Variants in SHC2 observed in about 807,000 individuals in gnomAD.
The protein encoded by SHC2 is SHC-transforming protein 2.
In SHC2, 62 loss-of-function variants were observed where a neutral mutation model predicts 60.6. The ratio of observed to expected loss-of-function variants is 1.02; its 90% CI spans 0.83 to 1.26. The LOEUF is 1.26. SHC2 is among the 50% of genes most tolerant of loss of function. The pLI is 0.00. For missense variants in SHC2, 873 were observed against 822.2 expected (o/e 1.06, Z -0.76); for synonymous variants, 375 against 372.4 (o/e 1.01, Z -0.08).
At chr19:436,487 G>A in intron 5 of SHC2, 56 bp from the exon 6 acceptor site, 1 of 1,598,484 alleles carries the variant, frequency 6.3e-7, no homozygotes, top group Non-Finnish European at 8.5e-7. Context: ...GGGATTCCCA[G>A]CTGCCCACCC....
intron 9 of SHC2, among the ~76,000 whole-genome samples, chr19:427,079 G>A (rs1974435032): frequency 6.6e-6 from 1 of 152,242 alleles, no homozygotes; most frequent in African/African-American, 2.4e-5. Flanking sequence ...ACGTGCGCCA[G>A]GACCAGAGCA....
At chr19:452,052 C>T (rs1975213892) in intron 1 of SHC2, among the ~76,000 whole-genome samples, 1 of 152,252 alleles carries the variant, frequency 6.6e-6, no homozygotes, top group African/African-American at 2.4e-5. Context: ...TTGTGGCGGC[C>T]TCTGTGCTTC....
In SHC2 at chr19:439,039, G is replaced by T. The variant is rs747701766; in HGVS notation, c.540-9C>A. On this transcript the variant is annotated splice_polypyrimidine_tract_variant and intron_variant, in intron 2 of 12. Coordinates refer to ENST00000264554, the MANE Select transcript of SHC2 (RefSeq NM_012435.3). ...GCCGGTTGATGGCTTCCCTGGGGTTGGGAGGAGGGGGCTTAGAGAGTGTGG... is the reference window on the plus strand; with the variant it reads ...GCCGGTTGATGGCTTCCCTGGGGTTTGGAGGAGGGGGCTTAGAGAGTGTGG... 5 of 1,579,314 alleles carry T rather than the reference G, an allele frequency of 3.2e-6. No individual in the cohort carries two copies. The highest frequency in any genetic ancestry group is 4.3e-6 in the Non-Finnish European group (5 of 1,162,992).
chr19:439,828 C>T (rs1036458982), intron 2 of SHC2, among the ~76,000 whole-genome samples: 1 of 151,920 alleles, frequency 6.6e-6, no homozygotes, highest in African/African-American at 2.4e-5. Flanking sequence ...GGGTTCGAGA[C>T]CGGTCTGACC....
At chr19:447,143 A>G (rs968252801) in intron 1 of SHC2, among the ~76,000 whole-genome samples, 1 of 152,232 alleles carries the variant, frequency 6.6e-6, no homozygotes, top group African/African-American at 2.4e-5. Flanking sequence ...CGTGACCCAG[A>G]CGTGAAAAGG....
rs1293468727 is a variant in SHC2, at chr19:441,013, G to T, written c.469-81C>A. On this transcript the variant is annotated intron_variant, in intron 1 of 12. Coordinates refer to ENST00000264554, the MANE Select transcript of SHC2 (RefSeq NM_012435.3). This position sits in a 1 kb window ranked among gnomAD's most constrained non-coding sequence, Gnocchi z 4.9. ...TCCCTTTTCCCAGCAGCCCTTCGCC[G>T]CCTCCACCACCCCTGGGGTCGAGCC... 6.5e-7 allele frequency: 1 copy of T among 1,540,022 alleles called. No individual in the cohort carries two copies. Among genetic ancestry groups the T allele is most frequent in the South Asian group, 1.1e-5 (1 of 88,718 alleles).
Position 425,179 on chromosome 19 carries a change from G to A in SHC2, c.1227C>T (p.His409=), listed in dbSNP as rs755483650. Residue 409 remains histidine (H), a synonymous_variant, in exon 10 of 13, where the codon CAC becomes CAT. Coordinates refer to ENST00000264554, the MANE Select transcript of SHC2 (RefSeq NM_012435.3). This position sits in a 1 kb window ranked among gnomAD's most constrained non-coding sequence, Gnocchi z 4.1. ...GGGTGTTGACATACAGGTGCTCCTC[G>A]TGGTCCGGGGGGCCCCGGGCGTCCG... ...VQADARGPPD[H]EEHLYVNTQG... 12 of 1,351,590 alleles carry A rather than the reference G, an allele frequency of 8.9e-6. No individual in the cohort carries two copies. The highest frequency in any genetic ancestry group is 2.0e-4 in the Middle Eastern group (1 of 4,984). 83.7% of individuals were successfully genotyped at this position (1,351,590 alleles called of 1,614,324 possible).
chr19:419,337 C>A (rs1159114768), intron 11 of SHC2: 1 of 396,296 alleles, frequency 2.5e-6, no homozygotes, highest in Non-Finnish European at 4.5e-6. Flanking sequence ...GCCCTCAGAG[C>A]CTGTGAACGT....
At chr19:419,891 T>C (rs1369108088) in intron 11 of SHC2, 2 of 152,196 alleles carry the variant, frequency 1.3e-5, no homozygotes, top group South Asian at 2.1e-4. Context: ...GGGGGCCCTG[T>C]GCACATTTCA....
chr19:449,377 G>A (rs1451897947), intron 1 of SHC2, among the ~76,000 whole-genome samples: 1 of 151,584 alleles, frequency 6.6e-6, no homozygotes. Context: ...GAAAAAAAAA[G>A]GCAGGATGGC....
chr19:451,345 T>A (rs373719682), intron 1 of SHC2, among the ~76,000 whole-genome samples: 1 of 144,758 alleles, frequency 6.9e-6, no homozygotes, highest in Non-Finnish European at 1.5e-5. Flanking sequence ...GCCGTGGCTG[T>A]GCCGTATTTC....
At chr19:436,783 A>C (rs994011598) in intron 4 of SHC2, 100 bp from the exon 5 acceptor site, 16 of 1,181,390 alleles carry the variant, frequency 1.4e-5, no homozygotes, top group Non-Finnish European at 1.6e-5. Context: ...GGGCAGGGGC[A>C]GGGATGTGGG....
Position 436,375 on chromosome 19 carries a change from C to T in SHC2, c.826+5G>A, listed in dbSNP as rs1039946399. 1.9e-6 allele frequency: 3 copies of T among 1,595,014 alleles called. No homozygotes were observed. Among genetic ancestry groups the T allele is most frequent in the Non-Finnish European group, 2.6e-6 (3 of 1,167,520 alleles). On this transcript the variant is annotated splice_donor_5th_base_variant and intron_variant, in intron 6 of 12. Coordinates refer to ENST00000264554, the MANE Select transcript of SHC2 (RefSeq NM_012435.3). ...GACCCCCACCGGCCTCCCCGGGGGC[C>T]TCACCTCTCTGGTTGATGGGGTCCT...
At chr19:449,441 C>A (rs1026019716) in intron 1 of SHC2, among the ~76,000 whole-genome samples, 1 of 152,172 alleles carries the variant, frequency 6.6e-6, no homozygotes, top group Non-Finnish European at 1.5e-5. Flanking sequence ...GTTGGGAAAA[C>A]TGGTCACATT....
chr19:434,835 C>G lies in SHC2; in HGVS notation c.984G>C (p.Gly328=), dbSNP rs1374421565. The change falls in exon 8 of 13, where the codon GGG becomes GGC. Residue 328 remains glycine (G), a synonymous_variant. Transcript: ENST00000264554. ...RLAGPEESAW[G]DEEDSLEHNY... ...TGTGCTCCAAAGAGTCCTCCTCGTC[C>G]CCCCAGGCCGACTCCTCCGGCCCTG... 6.2e-7 allele frequency: 1 copy of G among 1,612,136 alleles called. No homozygotes were observed. The highest frequency in any genetic ancestry group is 1.1e-5 in the South Asian group (1 of 91,070).
Position 441,063 on chromosome 19 carries a change from G to A in SHC2, c.469-131C>T. 6.7e-7 allele frequency: 1 copy of A among 1,498,722 alleles called. No homozygotes were observed. The highest frequency in any genetic ancestry group is 2.3e-5 in the East Asian group (1 of 42,614). 92.8% of individuals were successfully genotyped at this position (1,498,722 alleles called of 1,614,324 possible). ...CCTTTCCTCTGTCCCTGGTGGCTCT[G>A]GGGCCGTCGTGCCTCCCCCACCTCA... is the stretch of plus-strand genomic sequence containing the variant. On this transcript the variant is annotated intron_variant, in intron 1 of 12. Transcript: ENST00000264554. This position sits in a 1 kb window ranked among gnomAD's most constrained non-coding sequence, Gnocchi z 4.9.
intron 1 of SHC2, among the ~76,000 whole-genome samples, chr19:452,179 A>G (rs1023687749): frequency 3.7e-4 from 52 of 139,116 alleles, no homozygotes; most frequent in Middle Eastern, 4.1e-3. Context: ...CTTGGGGGGA[A>G]TTCCTGCGTA....
In SHC2 at chr19:438,817, C is replaced by T. The variant is rs750765946; in HGVS notation, c.621G>A (p.Ala207=). The T allele has an allele frequency of 3.2e-5, 51 of 1,571,048 alleles. No individual in the cohort carries two copies. The highest frequency in any genetic ancestry group is 4.7e-5 in the South Asian group (4 of 85,360). Residue 207 remains alanine, a synonymous_variant, in exon 4 of 13, where the codon GCG becomes GCA. Coordinates refer to ENST00000264554, the MANE Select transcript of SHC2 (RefSeq NM_012435.3). The surrounding 1 kb of genome is among the most constrained non-coding windows in gnomAD (Gnocchi z 5.0). ...GAAGGTTGCTCTTGCCCAGGACGGACGCCAGGGCCTTGTTGGGGGCCTGAG... is the reference window on the plus strand; with the variant it reads ...GAAGGTTGCTCTTGCCCAGGACGGATGCCAGGGCCTTGTTGGGGGCCTGAG... ...WKKKAPNKAL[A]SVLGKSNLRF... is the part of the protein sequence containing the mutation.
At chr19:418,388 C>CG (rs1974200402) in intron 12 of SHC2, among the ~76,000 whole-genome samples, 1 of 152,268 alleles carries the variant, frequency 6.6e-6, no homozygotes, top group Non-Finnish European at 1.5e-5. Context: ...TATCCACCCA[C>CG]GGGCAGTGAC....
Sources: gnomAD v4.1 joint callset for allele counts (sites outside exome capture counted in the v4.1 genomes callset) on GRCh38, gnomAD v4.1.1 for gene constraint, Gnocchi (gnomAD v3.1) non-coding constraint, MANE v1.5 for transcripts, NCBI Gene and HGNC (gene_info 2026-07-23, HGNC 2026-07-21) for gene names.